Variants in PLCG2 observed in about 807,000 individuals in gnomAD.
The protein encoded by PLCG2 is phospholipase C gamma 2.
Under a neutral mutation model 175.6 loss-of-function variants are expected in PLCG2, and 69 were observed. The observed-to-expected ratio is 0.39, with a 90% CI of 0.32 to 0.48. PLCG2 has a LOEUF of 0.48. PLCG2 is among the 20% of genes least tolerant of loss of function. PLCG2 has a pLI of 0.91. For synonymous variants in PLCG2, 827 were observed against 624.0 expected, an observed-to-expected ratio of 1.33 and a Z score of -4.85; for missense variants, 1,798 against 1,650.9, an observed-to-expected ratio of 1.09 and a Z score of -1.54.
At chr16:81,775,673 T>C (rs1010214149), upstream of PLCG2, among the ~76,000 whole-genome samples, 8 of 152,208 alleles carry the variant, frequency 5.3e-5, no homozygotes, top group African/African-American at 1.9e-4. Flanking sequence ...AGCATTTGTA[T>C]GCCCAAGGAC....
At chr16:81,931,231 C>T in intron 24 of PLCG2, 1 of 287,328 alleles carries the variant, frequency 3.5e-6, no homozygotes, top group African/African-American at 2.1e-5. Context: ...CTAAGTACAT[C>T]TGCAACGACC....
At chr16:81,809,625 A>G (rs999680755) in intron 2 of PLCG2, among the ~76,000 whole-genome samples, 1 of 152,120 alleles carries the variant, frequency 6.6e-6, no homozygotes, top group Admixed American at 6.5e-5. Context: ...CTGTGTCAGG[A>G]AACACATGGA....
At position 81,942,419 on chromosome 16, in the gene PLCG2, C is replaced by T. The variant is rs1910981183; in HGVS notation, c.3481+2360C>T. 2.6e-5 allele frequency among the ~76,000 whole-genome samples: 4 copies of T among 152,228 alleles called. No individual in the cohort carries two copies. In the South Asian group the frequency reaches 8.3e-4, roughly 32 times the overall value. ...TACTCTCAGCAGGGACCTTTCCTCA[C>T]TTCTTTCTAGCTCCTAGCAGTGCCT... is the stretch of plus-strand genomic sequence containing the variant. On this transcript the variant is annotated intron_variant, in intron 30 of 32. Coordinates refer to ENST00000564138, the MANE Select transcript of PLCG2 (RefSeq NM_002661.5).
intron 22 of PLCG2, 143 bp downstream of exon 22, chr16:81,923,737 G>C: frequency 1.8e-6 from 1 of 567,768 alleles, no homozygotes; most frequent in East Asian, 2.8e-5. Flanking sequence ...CCCTTCTTAG[G>C]AAGGTGGCTT....
chr16:81,922,874 A>G (rs969717585), intron 21 of PLCG2, among the ~76,000 whole-genome samples: 3 of 152,236 alleles, frequency 2.0e-5, no homozygotes, highest in Non-Finnish European at 2.9e-5. Context: ...AGGAAGTTCT[A>G]TCTTATTTAG....
intron 2 of PLCG2, among the ~76,000 whole-genome samples, chr16:81,756,886 T>C (rs111696352): frequency 0.024 from 3,595 of 152,228 alleles, 46 homozygotes; most frequent in Middle Eastern, 0.037. Context: ...CCCCACAGCC[T>C]GGGGCACAGG....
rs1398558183 is a variant in PLCG2 at position 81,881,015 on chromosome 16, G to C, written c.692+62G>C. On this transcript the variant is annotated intron_variant, in intron 8 of 32. Transcript: ENST00000564138. The stretch of plus-strand genomic sequence containing the variant: ...GCCGGACCTCGGTGCCTGGTGCCCA[G>C]CCGGCCTCCAGGAGGGGATGCCTGT... 2.9e-4 allele frequency: 451 copies of C among 1,536,854 alleles called. 1 individual carries two copies. Among genetic ancestry groups the C allele is most frequent in the South Asian group, 1.1e-5 (1 of 89,268 alleles).
chr16:81,845,793 C>G (rs1008096047), intron 2 of PLCG2, among the ~76,000 whole-genome samples: 1 of 152,232 alleles, frequency 6.6e-6, no homozygotes, highest in African/African-American at 2.4e-5. Context: ...AAAATGCCCA[C>G]CGACCCCCTC....
chr16:81,857,079 A>AG (rs1462962309), intron 3 of PLCG2, among the ~76,000 whole-genome samples: 2 of 142,898 alleles, frequency 1.4e-5, no homozygotes, highest in African/African-American at 5.0e-5. Context: ...ATAAATCTAT[A>AG]TTACTTTAAG....
chr16:81,797,877 C>G (rs1911543368), intron 2 of PLCG2, among the ~76,000 whole-genome samples: 1 of 151,336 alleles, frequency 6.6e-6, no homozygotes, highest in Non-Finnish European at 1.5e-5. Context: ...TGTCCCCAGG[C>G]TGAAGTGCAG....
chr16:81,852,539 G>C (rs149407635), intron 2 of PLCG2, among the ~76,000 whole-genome samples: 115 of 152,232 alleles, frequency 7.6e-4, no homozygotes, highest in African/African-American at 2.6e-3. Flanking sequence ...CATCTTGTAG[G>C]GGGAAGGAGG....
intron 31 of PLCG2, among the ~76,000 whole-genome samples, chr16:81,954,197 A>C (rs1029650305): frequency 6.6e-6 from 1 of 151,556 alleles, no homozygotes; most frequent in Non-Finnish European, 1.5e-5. Flanking sequence ...AATTTCTTTC[A>C]TTTTTTATAG....
chr16:81,930,320 C>T (rs972488946), intron 24 of PLCG2, among the ~76,000 whole-genome samples: 1 of 152,318 alleles, frequency 6.6e-6, no homozygotes, highest in South Asian at 2.1e-4. Context: ...GATCCTTTCT[C>T]TGTGTCTGGA....
At chr16:81,877,845 G>A (rs1382264682) in intron 7 of PLCG2, among the ~76,000 whole-genome samples, 1 of 151,498 alleles carries the variant, frequency 6.6e-6, no homozygotes, top group Non-Finnish European at 1.5e-5. Flanking sequence ...TCGCTCCTTG[G>A]CTTGTAGATG....
chr16:81,837,307 C>G (rs1258539250), intron 2 of PLCG2, among the ~76,000 whole-genome samples: 1 of 152,188 alleles, frequency 6.6e-6, no homozygotes, highest in Admixed American at 6.5e-5. Flanking sequence ...GCTGACATTC[C>G]TAGGAATTGT....
chr16:81,958,100 C>A lies in PLCG2; in HGVS notation c.*102C>A, dbSNP rs1338872708. The A allele has an allele frequency of 1.2e-6, 1 of 819,238 alleles. No individual in the cohort carries two copies. Among genetic ancestry groups the A allele is most frequent in the Non-Finnish European group, 2.1e-6 (1 of 473,258 alleles). 50.7% of individuals were successfully genotyped at this position (819,238 alleles called of 1,614,324 possible). On this transcript the variant is annotated 3_prime_UTR_variant, in exon 33 of 33. Transcript: ENST00000564138. ...ACTCTGGGAAGACGCTAATCTGTGA[C>A]ATCTTTTCTTCAAGCCTGCCATCAA...
At chr16:81,926,499 G>A (rs901032710) in intron 22 of PLCG2, among the ~76,000 whole-genome samples, 8 of 152,172 alleles carry the variant, frequency 5.3e-5, no homozygotes, top group African/African-American at 1.9e-4. Context: ...ATAAAGATAG[G>A]GAACAATGTT....
chr16:81,854,696 G>A, intron 3 of PLCG2, 109 bp downstream of exon 3: 1 of 1,022,804 alleles, frequency 9.8e-7, no homozygotes, highest in South Asian at 1.5e-5. Context: ...ATGTGTATTT[G>A]GGGTCATGGT....
intron 8 of PLCG2, among the ~76,000 whole-genome samples, chr16:81,882,994 A>T (rs1347868899): frequency 1.3e-5 from 2 of 151,532 alleles, no homozygotes; most frequent in Non-Finnish European, 2.9e-5. Context: ...GGCTCCTCAG[A>T]CTCTGGGGTG....
Sources: allele counts gnomAD v4.1 joint callset (sites outside exome capture counted in the v4.1 genomes callset), GRCh38; gene constraint gnomAD v4.1.1; transcripts MANE v1.5; gene names NCBI Gene and HGNC (gene_info 2026-07-23, HGNC 2026-07-21).